The following CLCN3 variants were observed in gnomAD, a reference collection of about 807,000 sequenced individuals.
CLCN3 encodes the protein H(+)/Cl(-) exchange transporter 3.
In CLCN3, 16 loss-of-function variants were observed where a neutral mutation model predicts 83.4. The ratio of observed to expected loss-of-function variants is 0.19; its 90% confidence interval spans 0.13 to 0.29. CLCN3 has a LOEUF of 0.29. CLCN3 is among the 10% of genes least tolerant of loss of function. The pLI, the probability that CLCN3 is intolerant of heterozygous loss-of-function variation, is 1.00. For synonymous variants in CLCN3, 322 were observed against 346.2 expected (o/e 0.93, Z 0.78); for missense variants, 544 against 1,006.0 (o/e 0.54, Z 6.21).
chr4:169,662,166 C>T (rs573557729), intron 2 of CLCN3, among the ~76,000 whole-genome samples: 28 of 152,228 alleles, frequency 1.8e-4, no homozygotes, highest in African/African-American at 5.5e-4. Context: ...ATTACCTAAA[C>T]GTAAGCTTTT....
At chr4:169,682,571 C>T (rs1307669227) in intron 3 of CLCN3, among the ~76,000 whole-genome samples, 2 of 152,166 alleles carry the variant, frequency 1.3e-5, no homozygotes, top group Non-Finnish European at 2.9e-5. Context: ...TTCTTTAGGA[C>T]ATAACTTCAT....
chr4:169,628,134 A>G (rs574297982), intron 1 of CLCN3, among the ~76,000 whole-genome samples: 2 of 152,216 alleles, frequency 1.3e-5, no homozygotes, highest in African/African-American at 2.4e-5. Context: ...ACCTCAACCT[A>G]TGTCTCATAC....
chr4:169,707,352 G>A (rs1733034386), intron 11 of CLCN3, 86 bp downstream of exon 11: 3 of 1,001,218 alleles, frequency 3.0e-6, no homozygotes, highest in Non-Finnish European at 4.3e-6. Flanking sequence ...TTAATGGGTT[G>A]GATTTGTGGG....
chr4:169,653,668 A>G (rs913821561), intron 2 of CLCN3, among the ~76,000 whole-genome samples: 2 of 149,344 alleles, frequency 1.3e-5, no homozygotes, highest in Admixed American at 6.7e-5. Flanking sequence ...AAAAGGAAAG[A>G]AAAGAGGTCG....
intron 3 of CLCN3, among the ~76,000 whole-genome samples, chr4:169,683,864 A>T (rs546359921): frequency 2.6e-5 from 4 of 151,296 alleles, no homozygotes; most frequent in Non-Finnish European, 5.9e-5. Flanking sequence ...GTGCTTCAGC[A>T]CCCCAAGTAA....
chr4:169,707,181 C>A lies in CLCN3; in HGVS notation c.2064C>A (p.Ser688Arg). ...DDIENMINET[S>R]YNGFPVIMSK... The stretch of plus-strand genomic sequence containing the variant: ...TAGAAAACATGATTAATGAAACCAG[C>A]TACAATGGATTTCCTGTCATAATGT... The change falls in exon 11 of 13, where the codon AGC (serine) becomes AGA (arginine). Residue 688 changes from serine (S) to arginine (R), a missense_variant. This residue lies in a region of CLCN3 where 142 missense variants were observed against 225.0 expected (regional missense o/e 0.63). Coordinates refer to ENST00000513761, the MANE Select transcript of CLCN3 (RefSeq NM_001829.4). 6.2e-7 allele frequency: 1 copy of A among 1,613,714 alleles called. No individual in the cohort carries two copies. Among genetic ancestry groups the A allele is most frequent in the South Asian group, 1.1e-5 (1 of 91,068 alleles).
chr4:169,678,977 A>G (rs1327503883), intron 2 of CLCN3, among the ~76,000 whole-genome samples: 2 of 151,972 alleles, frequency 1.3e-5, no homozygotes, highest in African/African-American at 4.8e-5. Flanking sequence ...CTCACTTCCC[A>G]CACTGGGCGG....
intron 2 of CLCN3, among the ~76,000 whole-genome samples, chr4:169,665,529 C>T (rs139119610): frequency 3.4e-4 from 51 of 152,146 alleles, no homozygotes; most frequent in Non-Finnish European, 5.6e-4. Context: ...GGAACTTCCA[C>T]TATCAACTTA....
chr4:169,642,784 A>G (rs1371044063), intron 2 of CLCN3: 1 of 152,166 alleles, frequency 6.6e-6, no homozygotes, highest in East Asian at 1.9e-4. Flanking sequence ...TGGCCTTTCA[A>G]AGTGCTGGGA....
chr4:169,663,278 T>C (rs903960788), intron 2 of CLCN3, among the ~76,000 whole-genome samples: 1 of 149,674 alleles, frequency 6.7e-6, no homozygotes, highest in African/African-American at 2.5e-5. Flanking sequence ...TTTATTAGAA[T>C]TTCCTGTTAG....
intron 1 of CLCN3, among the ~76,000 whole-genome samples, chr4:169,633,258 G>T (rs1312983287): frequency 6.6e-6 from 1 of 152,148 alleles, no homozygotes; most frequent in Admixed American, 6.5e-5. Context: ...CGATCCAGCT[G>T]CCTCGGCCTC....
intron 3 of CLCN3, among the ~76,000 whole-genome samples, chr4:169,684,790 A>T (rs115233053): frequency 6.6e-6 from 1 of 152,172 alleles, no homozygotes; most frequent in Admixed American, 6.5e-5. Context: ...CCTTTAAGTC[A>T]TGCCAAAAAT....
chr4:169,643,501 A>G (rs536293852), intron 2 of CLCN3, among the ~76,000 whole-genome samples: 1 of 152,256 alleles, frequency 6.6e-6, no homozygotes, highest in African/African-American at 2.4e-5. Context: ...AAGTGTTAGG[A>G]TTACAGGCGT....
intron 2 of CLCN3, among the ~76,000 whole-genome samples, chr4:169,658,000 A>G (rs1319179415): frequency 6.6e-6 from 1 of 152,100 alleles, no homozygotes; most frequent in Non-Finnish European, 1.5e-5. Flanking sequence ...TGATTCTTTT[A>G]CTTTAAGAAA....
chr4:169,675,575 C>A (rs1731644191), intron 2 of CLCN3, among the ~76,000 whole-genome samples: 1 of 152,046 alleles, frequency 6.6e-6, no homozygotes, highest in South Asian at 2.1e-4. Context: ...GCTACATTTT[C>A]AATAATAACC....
chr4:169,689,762 T>G lies in CLCN3; in HGVS notation c.606+532T>G, dbSNP rs528345893. On this transcript the variant is annotated intron_variant, in intron 5 of 12. Transcript: ENST00000513761. ...GATGACATGGATATATTTTTTAAATTTTGTTTTAGCTGAACTTTAGAGCTA... is the reference window on the plus strand; with the variant it reads ...GATGACATGGATATATTTTTTAAATGTTGTTTTAGCTGAACTTTAGAGCTA... 3.7e-4 allele frequency among the ~76,000 whole-genome samples: 57 copies of G among 152,316 alleles called. 1 individual carries two copies. In the South Asian group the frequency reaches 4.1e-3, roughly 11 times the overall value.
chr4:169,632,044 CT>C (rs1773385392), intron 1 of CLCN3, among the ~76,000 whole-genome samples: 1 of 152,158 alleles, frequency 6.6e-6, no homozygotes, highest in South Asian at 2.1e-4. Flanking sequence ...TGAGGAGGGG[CT>C]CCTCCTTAAC....
At position 169,667,775 on chromosome 4, in the gene CLCN3, T is replaced by G. The variant is rs542486886; in HGVS notation, c.161-12275T>G. ...TTTCTTTTTTTTTTTGAGATGGATCTCGCTCTGTCGCCCAGGTTGGAGTGC... is the reference window on the plus strand; with the variant it reads ...TTTCTTTTTTTTTTTGAGATGGATCGCGCTCTGTCGCCCAGGTTGGAGTGC... On this transcript the variant is annotated intron_variant, in intron 2 of 12. Coordinates refer to ENST00000513761, the MANE Select transcript of CLCN3 (RefSeq NM_001829.4). Among the ~76,000 whole-genome samples the G allele has an allele frequency of 4.0e-5, 6 of 151,468 alleles. No individual in the cohort carries two copies. In the East Asian group the frequency reaches 1.2e-3, roughly 29 times the overall value.
At chr4:169,705,503 C>T (rs1356012794) in intron 10 of CLCN3, among the ~76,000 whole-genome samples, 2 of 152,130 alleles carry the variant, frequency 1.3e-5, no homozygotes, top group Non-Finnish European at 2.9e-5. Context: ...AAAGTAATAA[C>T]ACCTGGTGAT....
Sources: gnomAD v4.1 joint callset for allele counts (sites outside exome capture counted in the v4.1 genomes callset) on GRCh38, gnomAD v4.1.1 for gene constraint, gnomAD v4.1.1 regional missense constraint, MANE v1.5 for transcripts, NCBI Gene and HGNC (gene_info 2026-07-23, HGNC 2026-07-21) for gene names.